Variants in GOLGA4 observed in about 807,000 individuals in gnomAD.
GOLGA4 encodes the protein golgin A4.
GOLGA4 carries 169 observed loss-of-function variants against 265.9 expected under a neutral mutation model. That is an observed-to-expected ratio of 0.64 (90% CI 0.56 to 0.72). The LOEUF (loss-of-function observed/expected upper bound fraction) is 0.72, where lower values mean the gene tolerates loss of function less well. Among genes scored for constraint, GOLGA4 ranks in the 30% least tolerant of loss-of-function variants. GOLGA4 has a pLI of 0.00. For missense variants in GOLGA4, 2,482 were observed against 2,483.4 expected (o/e 1.00, Z 0.01); for synonymous variants, 923 against 855.8 (o/e 1.08, Z -1.37).
intron 2 of GOLGA4, among the ~76,000 whole-genome samples, chr3:37,274,563 G>A (rs559448149): frequency 1.3e-5 from 2 of 152,026 alleles, no homozygotes; most frequent in African/African-American, 4.8e-5. Flanking sequence ...GTGTGGTGGT[G>A]TGTGCCTGTA....
chr3:37,273,646 A>G (rs1173735328), intron 2 of GOLGA4: 10 of 957,418 alleles, frequency 1.0e-5, no homozygotes, highest in East Asian at 7.8e-5. Context: ...GTCATTTCAG[A>G]GTGTTGGTCA....
intron 1 of GOLGA4, among the ~76,000 whole-genome samples, chr3:37,248,113 G>A (rs6800842): frequency 0.43 from 65,051 of 151,978 alleles, 14,771 homozygotes; most frequent in African/African-American, 0.52. Flanking sequence ...TCATCTTACA[G>A]TTTTGCTTAT....
chr3:37,317,273 A>G (rs10865876), intron 11 of GOLGA4, among the ~76,000 whole-genome samples: 61,866 of 151,912 alleles, frequency 0.41, 13,121 homozygotes, highest in Non-Finnish European at 0.44. Context: ...ACGTTCAAGC[A>G]ATTCTCCTGC....
In GOLGA4 at chr3:37,366,217, G is replaced by A; in HGVS notation, c.*171G>A. On this transcript the variant is annotated 3_prime_UTR_variant, in exon 24 of 24. Coordinates refer to ENST00000361924, the MANE Select transcript of GOLGA4 (RefSeq NM_002078.5). ...GTAGCCAAAAGACCAAGAAAAATCT[G>A]GCCCACAGATAAGTTGCAGACTGCC... The A allele has an allele frequency of 1.4e-6, 1 of 734,188 alleles. No homozygotes were observed. The highest frequency in any genetic ancestry group is 2.1e-6 in the Non-Finnish European group (1 of 477,674). 45.5% of individuals were successfully genotyped at this position (734,188 alleles called of 1,614,324 possible). A position where few individuals can be genotyped will look rare whatever the true frequency, so the allele number is the denominator to read the frequency against.
intron 4 of GOLGA4, among the ~76,000 whole-genome samples, chr3:37,287,327 C>G (rs1260061948): frequency 1.3e-5 from 2 of 152,190 alleles, no homozygotes; most frequent in African/African-American, 4.8e-5. Context: ...GGTGACAGAG[C>G]AAGACTCCGT....
chr3:37,336,348 AT>A (rs752936212), intron 17 of GOLGA4, among the ~76,000 whole-genome samples: 11 of 152,182 alleles, frequency 7.2e-5, no homozygotes, highest in Non-Finnish European at 1.2e-4. Context: ...GTATCAAAGT[AT>A]TAATATTGCA....
chr3:37,307,723 T>C (rs955211651), intron 10 of GOLGA4, among the ~76,000 whole-genome samples: 2 of 152,228 alleles, frequency 1.3e-5, no homozygotes, highest in African/African-American at 4.8e-5. Flanking sequence ...GAATAACTGC[T>C]GGAAAAATTT....
At chr3:37,340,320 TTA>T in intron 20 of GOLGA4, 121 bp downstream of exon 20, 1 of 485,282 alleles carries the variant, frequency 2.1e-6, no homozygotes, top group Non-Finnish European at 3.7e-6. Context: ...TTTAATGATT[TTA>T]TTTTTTCTTA....
chr3:37,304,908 A>G (rs867197073), intron 10 of GOLGA4, among the ~76,000 whole-genome samples: 37 of 152,088 alleles, frequency 2.4e-4, no homozygotes, highest in Non-Finnish European at 3.7e-4. Flanking sequence ...AATTTTTTCT[A>G]TTAATACTGT....
rs1246749929 is a variant in GOLGA4 at position 37,361,154 on chromosome 3, C to T, written c.6664-89C>T. On this transcript the variant is annotated intron_variant, in intron 22 of 23. Transcript: ENST00000361924. ...GAAAAATTTAAGTACAGTCTGTAAT[C>T]CTATGAACTTCATATACACATACAA... 5 of 1,001,222 alleles carry T rather than the reference C, an allele frequency of 5.0e-6. No individual in the cohort carries two copies. The Admixed American group carries it at 5.1e-5, about 10-fold the overall frequency. 62.0% of individuals were successfully genotyped at this position (1,001,222 alleles called of 1,614,324 possible).
intron 2 of GOLGA4, among the ~76,000 whole-genome samples, chr3:37,273,298 A>G (rs2096803821): frequency 6.6e-6 from 1 of 152,196 alleles, no homozygotes; most frequent in East Asian, 1.9e-4. Flanking sequence ...AGGTTTTTCT[A>G]CATACTAATC....
At chr3:37,286,378 C>T (rs1005899725) in intron 4 of GOLGA4, among the ~76,000 whole-genome samples, 2 of 151,682 alleles carry the variant, frequency 1.3e-5, no homozygotes, top group African/African-American at 4.8e-5. Context: ...TGGTCTCGAT[C>T]TCCTGACCTC....
Position 37,304,097 on chromosome 3 carries a change from G to A in GOLGA4, c.1234+1765G>A, listed in dbSNP as rs541015433. ...ATGAGACATAAATGAGAAAAAAAAA[G>A]TTACCTCATGAAGTCATAGGAATTG... On this transcript the variant is annotated intron_variant, in intron 10 of 23. Transcript: ENST00000361924. Among the ~76,000 whole-genome samples, 184 of 152,232 alleles carry A rather than the reference G, an allele frequency of 1.2e-3. 1 individual carries two copies. The highest frequency in any genetic ancestry group is 2.3e-3 in the Non-Finnish European group (155 of 68,004).
At chr3:37,344,668 C>T (rs2151031863) in intron 20 of GOLGA4, among the ~76,000 whole-genome samples, 1 of 152,152 alleles carries the variant, frequency 6.6e-6, no homozygotes, top group Middle Eastern at 3.4e-3. Context: ...CATAATAAGT[C>T]TTGATGTCTG....
intron 23 of GOLGA4, among the ~76,000 whole-genome samples, chr3:37,365,638 T>C (rs1367886037): frequency 6.6e-6 from 1 of 152,208 alleles, no homozygotes; most frequent in Non-Finnish European, 1.5e-5. Flanking sequence ...TGGGTTACTG[T>C]ATAAACTGGT....
chr3:37,328,801 G>T (rs984113526), intron 15 of GOLGA4, among the ~76,000 whole-genome samples, 162 bp from the exon 16 acceptor site: 2 of 152,098 alleles, frequency 1.3e-5, no homozygotes, highest in African/African-American at 4.8e-5. Context: ...GGATACATTT[G>T]ATCACTGTTG....
intron 2 of GOLGA4, among the ~76,000 whole-genome samples, chr3:37,263,628 G>A (rs141558287): frequency 2.6e-5 from 4 of 152,148 alleles, no homozygotes; most frequent in African/African-American, 7.2e-5. Context: ...AAATAACAAG[G>A]TCAACAAAGA....
intron 5 of GOLGA4, among the ~76,000 whole-genome samples, chr3:37,292,629 G>A (rs1381735829): frequency 6.6e-6 from 1 of 152,118 alleles, no homozygotes; most frequent in Non-Finnish European, 1.5e-5. Flanking sequence ...GAGTTTGGCA[G>A]TGAGCCTAGA....
At position 37,327,436 on chromosome 3, in the gene GOLGA4, G is replaced by C. The variant is rs764909555; in HGVS notation, c.5550G>C (p.Gln1850His). 26 of 1,613,180 alleles carry C rather than the reference G, an allele frequency of 1.6e-5. No homozygotes were observed. Among genetic ancestry groups the C allele is most frequent in the Non-Finnish European group, 2.2e-5 (26 of 1,179,706 alleles). The change falls in exon 14 of 24, where the codon CAG (glutamine) becomes CAC (histidine). Residue 1850 changes from glutamine (Q) to histidine (H), a missense_variant. Physicochemically the swap from Gln to His is conservative, Grantham distance 24. Transcript: ENST00000361924. Reference sequence around the variant, plus strand: ...TCCAGGAGAAGGAACTAACCTGTCAGATTTTGGAGCAAAAGATAAAAGAGC... The same window carrying C: ...TCCAGGAGAAGGAACTAACCTGTCACATTTTGGAGCAAAAGATAAAAGAGC... The part of the protein sequence containing the change: ...KTLQEKELTC[Q>H]ILEQKIKELD...
Sources: gnomAD v4.1 joint callset for allele counts (sites outside exome capture counted in the v4.1 genomes callset) on GRCh38, gnomAD v4.1.1 for gene constraint, MANE v1.5 for transcripts, NCBI Gene and HGNC (gene_info 2026-07-23, HGNC 2026-07-21) for gene names.